Variants in DPP6 observed in about 807,000 individuals in gnomAD.
DPP6 encodes the protein dipeptidyl peptidase like 6, also known as A-type potassium channel modulatory protein DPP6.
In DPP6, 69 loss-of-function variants were observed where a neutral mutation model predicts 122.6. The observed-to-expected ratio is 0.56, with a 90% CI of 0.46 to 0.69. The LOEUF (loss-of-function observed/expected upper bound fraction) is 0.69, where lower values mean the gene tolerates loss of function less well. Among genes scored for constraint, DPP6 ranks in the 30% least tolerant of loss-of-function variants. DPP6 has a pLI of 0.00. For synonymous variants in DPP6, 418 were observed against 433.1 expected (o/e 0.97, Z 0.43); for missense variants, 928 against 1,116.9 (o/e 0.83, Z 2.41).
chr7:154,649,194 G>A (rs950747357), intron 6 of DPP6, among the ~76,000 whole-genome samples: 3 of 152,154 alleles, frequency 2.0e-5, no homozygotes, highest in East Asian at 3.9e-4. Flanking sequence ...AGATTCACCC[G>A]TGTTGTGACA....
chr7:154,376,307 C>T (rs1813128124), intron 1 of DPP6, among the ~76,000 whole-genome samples: 1 of 152,160 alleles, frequency 6.6e-6, no homozygotes, highest in African/African-American at 2.4e-5. Flanking sequence ...TTTGGTTCTA[C>T]TTAAAAAATA....
chr7:154,023,728 C>A (rs141933045), intron 1 of DPP6, among the ~76,000 whole-genome samples: 1 of 152,100 alleles, frequency 6.6e-6, no homozygotes, highest in Admixed American at 6.5e-5. Flanking sequence ...GTGATTCGCT[C>A]GCCTTGGCCT....
rs1054877401 is a variant in DPP6 at position 153,975,913 on chromosome 7, T to C, written c.51+88179T>C. Among the ~76,000 whole-genome samples, 10 of 152,338 alleles carry C rather than the reference T, an allele frequency of 6.6e-5. No individual in the cohort carries two copies. In the East Asian group the frequency reaches 1.4e-3, roughly 21 times the overall value. On this transcript the variant is annotated intron_variant, in intron 1 of 25. Transcript: ENST00000404039. ...AGTCTTTCCATGTGTAGGATGGGGA[T>C]GATAATATCTATTTCACATGGTTAT...
At chr7:153,773,314 A>T in the DPP6 span, among the ~76,000 whole-genome samples, 537 of 27,530 alleles carry the variant, frequency 0.02, 3 homozygotes, top group African/African-American at 0.035. Flanking sequence ...TGTGTATTTT[A>T]TATATATATA....
rs145932942 is a variant in DPP6, at chr7:154,667,460, G to T, written c.681-1900G>T. ...ATACAAATGTTGGCTGGGCACAGTG[G>T]CTCACGCCTGTAATTCCAGCACTTT... On this transcript the variant is annotated intron_variant, in intron 6 of 25. Transcript: ENST00000377770. Among the ~76,000 whole-genome samples, 6 of 152,320 alleles carry T rather than the reference G, an allele frequency of 3.9e-5. No individual in the cohort carries two copies. The East Asian group carries it at 1.2e-3, about 29-fold the overall frequency.
At chr7:154,117,800 C>A (rs1008239979) in intron 1 of DPP6, among the ~76,000 whole-genome samples, 2 of 151,500 alleles carry the variant, frequency 1.3e-5, no homozygotes, top group Non-Finnish European at 2.9e-5. Context: ...GGTGAGCAGA[C>A]GGGTAGCAGA....
chr7:154,866,582 G>A (rs1803895370), intron 17 of DPP6, among the ~76,000 whole-genome samples: 1 of 152,212 alleles, frequency 6.6e-6, no homozygotes, highest in African/African-American at 2.4e-5. Flanking sequence ...AGACGTAGCT[G>A]TGTTTCCTGC....
intron 7 of DPP6, among the ~76,000 whole-genome samples, chr7:154,677,003 T>C (rs1024073093): frequency 4.6e-5 from 7 of 152,332 alleles, no homozygotes; most frequent in African/African-American, 1.7e-4. Context: ...TATTGTTTCT[T>C]GGGACAGACA....
At chr7:154,770,853 G>A (rs553017183) in intron 9 of DPP6, among the ~76,000 whole-genome samples, 128 of 152,356 alleles carry the variant, frequency 8.4e-4, no homozygotes, top group Non-Finnish European at 1.7e-3. Flanking sequence ...CCACTCAGCT[G>A]GAGAGAAGCC....
At chr7:154,176,430 C>T (rs1367338630) in intron 1 of DPP6, among the ~76,000 whole-genome samples, 1 of 152,116 alleles carries the variant, frequency 6.6e-6, no homozygotes, top group East Asian at 1.9e-4. Context: ...TCAGTGTAGC[C>T]AGACCATCGT....
intron 7 of DPP6, among the ~76,000 whole-genome samples, chr7:154,702,980 G>A (rs368979785): frequency 2.7e-4 from 41 of 152,176 alleles, no homozygotes; most frequent in African/African-American, 8.0e-4. Flanking sequence ...ACTTTAAGTC[G>A]GAGCCAGTGC....
chr7:154,766,655 G>A (rs934381959), intron 8 of DPP6, among the ~76,000 whole-genome samples: 1 of 152,210 alleles, frequency 6.6e-6, no homozygotes, highest in African/African-American at 2.4e-5. Flanking sequence ...CTACCTCCCA[G>A]TTCTCTGAAG....
At chr7:153,915,613 C>A (rs758659660) in intron 1 of DPP6, among the ~76,000 whole-genome samples, 5 of 152,100 alleles carry the variant, frequency 3.3e-5, no homozygotes, top group Non-Finnish European at 7.4e-5. Flanking sequence ...ACAGTCACTC[C>A]CATGTGAAGT....
chr7:153,755,458 A>G, the DPP6 span, among the ~76,000 whole-genome samples: 112 of 145,934 alleles, frequency 7.7e-4, no homozygotes, highest in Non-Finnish European at 1.5e-3. Flanking sequence ...ATTTTGATAA[A>G]CTATCACTTG....
intron 1 of DPP6, among the ~76,000 whole-genome samples, chr7:153,984,110 C>A (rs1411459565): frequency 6.7e-6 from 1 of 149,470 alleles, no homozygotes; most frequent in African/African-American, 2.5e-5. Flanking sequence ...ACACGTGTCA[C>A]AAGTGAAATT....
intron 1 of DPP6, among the ~76,000 whole-genome samples, chr7:154,289,747 A>T (rs1805083500): frequency 6.6e-6 from 1 of 151,014 alleles, no homozygotes; most frequent in Non-Finnish European, 1.5e-5. Context: ...TAATTTTTAC[A>T]CATTGAATTT....
chr7:154,807,281 C>G (rs927953872), intron 16 of DPP6, among the ~76,000 whole-genome samples, 169 bp downstream of exon 16: 1 of 152,122 alleles, frequency 6.6e-6, no homozygotes, highest in Admixed American at 6.5e-5. Flanking sequence ...TGCAAGATGA[C>G]TGGACCCCCA....
At chr7:154,186,225 C>T (rs570207239) in intron 1 of DPP6, among the ~76,000 whole-genome samples, 25 of 152,328 alleles carry the variant, frequency 1.6e-4, no homozygotes, top group African/African-American at 5.8e-4. Context: ...TTGAGTGTCA[C>T]ATTTTCTAGA....
At chr7:154,224,255 G>A (rs1800470081) in intron 1 of DPP6, among the ~76,000 whole-genome samples, 1 of 148,924 alleles carries the variant, frequency 6.7e-6, no homozygotes, top group Admixed American at 6.6e-5. Context: ...CTTGGAGGCG[G>A]ACATTGCAGT....
Sources: gnomAD v4.1 joint callset for allele counts (sites outside exome capture counted in the v4.1 genomes callset) on GRCh38, gnomAD v4.1.1 for gene constraint, MANE v1.5 for transcripts, NCBI Gene and HGNC (gene_info 2026-07-23, HGNC 2026-07-21) for gene names.